Variants in MBD5 observed in about 807,000 individuals in gnomAD.
MBD5 encodes the protein methyl-CpG binding domain protein 5, also known as methyl-CpG-binding domain protein 5.
A neutral mutation model predicts 117.3 loss-of-function variants in MBD5; 13 were observed. That is an observed-to-expected ratio of 0.11 (90% CI 0.07 to 0.18). The LOEUF is 0.18. MBD5 is among the 10% of genes least tolerant of loss of function. The pLI is 1.00. For synonymous variants in MBD5, 727 were observed against 766.4 expected, an observed-to-expected ratio of 0.95 and a Z score of 0.85; for missense variants, 1,879 against 2,093.8, an observed-to-expected ratio of 0.90 and a Z score of 2.00.
At chr2:148,154,516 C>T (rs76189045) in intron 1 of MBD5, among the ~76,000 whole-genome samples, 3 of 152,172 alleles carry the variant, frequency 2.0e-5, no homozygotes, top group Non-Finnish European at 2.9e-5. Flanking sequence ...CAATGGTGGG[C>T]GCCCCTCCCC....
At chr2:148,495,404 A>G (rs1343771716) in intron 11 of MBD5, among the ~76,000 whole-genome samples, 1 of 152,180 alleles carries the variant, frequency 6.6e-6, no homozygotes, top group African/African-American at 2.4e-5. Context: ...TCAAGCAGTA[A>G]TAATCAAAAA....
chr2:148,350,887 A>G (rs1703233418), intron 4 of MBD5, among the ~76,000 whole-genome samples: 1 of 151,856 alleles, frequency 6.6e-6, no homozygotes, highest in Non-Finnish European at 1.5e-5. Context: ...TTCTTTTTCT[A>G]GTTGAGGCTG....
At chr2:148,430,578 ACTGT>A (rs764183093) in intron 4 of MBD5, among the ~76,000 whole-genome samples, 17 of 152,190 alleles carry the variant, frequency 1.1e-4, no homozygotes, top group South Asian at 8.3e-4. Context: ...ATGTTTGCAG[ACTGT>A]CTATTAATCA....
At chr2:148,340,358 TA>T in intron 3 of MBD5, among the ~76,000 whole-genome samples, 1 of 152,282 alleles carries the variant, frequency 6.6e-6, no homozygotes, top group African/African-American at 2.4e-5. Context: ...AAATTTAGGC[TA>T]AATATTCTTT....
chr2:148,100,116 T>C (rs1157471723), intron 1 of MBD5, among the ~76,000 whole-genome samples: 2 of 152,016 alleles, frequency 1.3e-5, no homozygotes, highest in Non-Finnish European at 2.9e-5. Flanking sequence ...ACATTTCGAG[T>C]GAGACCTAAG....
intron 3 of MBD5, among the ~76,000 whole-genome samples, chr2:148,286,421 A>G (rs1021520843): frequency 2.0e-5 from 3 of 152,180 alleles, no homozygotes; most frequent in Non-Finnish European, 4.4e-5. Flanking sequence ...AGACTTACCC[A>G]CATAACTTCT....
intron 4 of MBD5, among the ~76,000 whole-genome samples, chr2:148,446,022 C>G (rs150723583): frequency 0.041 from 6,174 of 150,620 alleles, 228 homozygotes; most frequent in Middle Eastern, 0.14. Flanking sequence ...ATTGTAGATT[C>G]TGGATATTAG....
At position 148,097,846 on chromosome 2, in the gene MBD5, A is replaced by G. The variant is rs1039223882; in HGVS notation, c.-925+76162A>G. ...TAGTTGGCTAGAGCAGGAAGGAGGT[A>G]AAAAGATTCTTTCAGGTAAGAATGT... On this transcript the variant is annotated intron_variant, in intron 1 of 13. Coordinates refer to ENST00000642680, the MANE Select transcript of MBD5 (RefSeq NM_001378120.1). Among the ~76,000 whole-genome samples the G allele has an allele frequency of 2.0e-5, 3 of 152,216 alleles. No individual in the cohort carries two copies. The South Asian group carries it at 6.2e-4, about 32-fold the overall frequency.
At chr2:148,121,434 T>A (rs953235171) in intron 1 of MBD5, among the ~76,000 whole-genome samples, 1 of 152,002 alleles carries the variant, frequency 6.6e-6, no homozygotes, top group African/African-American at 2.4e-5. Context: ...TACAATGATA[T>A]GCATTTCTCT....
intron 4 of MBD5, among the ~76,000 whole-genome samples, chr2:148,404,068 G>A (rs1015827057): frequency 1.3e-5 from 2 of 150,280 alleles, no homozygotes; most frequent in Non-Finnish European, 3.0e-5. Context: ...TTCATTATGT[G>A]TTATATTTTC....
intron 2 of MBD5, among the ~76,000 whole-genome samples, chr2:148,231,234 G>T (rs1470953131): frequency 6.6e-6 from 1 of 152,160 alleles, no homozygotes; most frequent in Non-Finnish European, 1.5e-5. Flanking sequence ...TGGACCACTG[G>T]GATTGGCGAT....
chr2:148,233,719 C>T (rs936205799), intron 3 of MBD5, among the ~76,000 whole-genome samples: 8 of 152,144 alleles, frequency 5.3e-5, no homozygotes, highest in African/African-American at 1.9e-4. Flanking sequence ...CTCTTGGACA[C>T]ATATATAACT....
intron 3 of MBD5, among the ~76,000 whole-genome samples, chr2:148,315,221 T>A (rs1304136723): frequency 6.6e-6 from 1 of 152,162 alleles, no homozygotes; most frequent in Non-Finnish European, 1.5e-5. Context: ...AATCATCATT[T>A]TAATCCTGTT....
intron 1 of MBD5, among the ~76,000 whole-genome samples, chr2:148,043,452 C>CAAATTAATAAATAAAT (rs1694427826): frequency 7.0e-6 from 1 of 142,854 alleles, no homozygotes; most frequent in Admixed American, 7.1e-5. Context: ...GACTCCTTCT[C>CAAATTAATAAATAAAT]AAATAAATAA....
chr2:148,398,569 T>C (rs1704811065), intron 4 of MBD5, among the ~76,000 whole-genome samples: 1 of 152,144 alleles, frequency 6.6e-6, no homozygotes, highest in African/African-American at 2.4e-5. Context: ...GTCAGATGAG[T>C]AGATTGCAAA....
chr2:148,340,830 C>CCACA (rs1311540663), intron 3 of MBD5, among the ~76,000 whole-genome samples: 1 of 105,740 alleles, frequency 9.5e-6, no homozygotes, highest in East Asian at 3.2e-4. Flanking sequence ...TTATTTTAAA[C>CCACA]CACACATACA....
At chr2:148,158,029 G>A (rs930162509) in intron 1 of MBD5, among the ~76,000 whole-genome samples, 9 of 151,856 alleles carry the variant, frequency 5.9e-5, no homozygotes, top group African/African-American at 1.9e-4. Flanking sequence ...TACATTATAT[G>A]AATTTCATCT....
intron 1 of MBD5, among the ~76,000 whole-genome samples, chr2:148,152,689 T>C (rs556789327): frequency 1.8e-4 from 27 of 152,142 alleles, no homozygotes; most frequent in African/African-American, 6.5e-4. Flanking sequence ...TTTACCATTA[T>C]GTAATGGCCT....
intron 3 of MBD5, among the ~76,000 whole-genome samples, chr2:148,291,622 A>AT (rs1201911703): frequency 6.6e-6 from 1 of 152,112 alleles, no homozygotes; most frequent in Non-Finnish European, 1.5e-5. Flanking sequence ...ATTTTTGTAG[A>AT]TTTTTAGAAC....
Sources: gnomAD v4.1 joint callset for allele counts (sites outside exome capture counted in the v4.1 genomes callset) on GRCh38, gnomAD v4.1.1 for gene constraint, MANE v1.5 for transcripts, NCBI Gene and HGNC (gene_info 2026-07-23, HGNC 2026-07-21) for gene names.